Variants in STXBP5 observed in about 807,000 individuals in gnomAD.
STXBP5 encodes syntaxin-binding protein 5.
STXBP5 carries 50 observed loss-of-function variants against 152.4 expected under a neutral mutation model. The ratio of observed to expected loss-of-function variants is 0.33; its 90% CI spans 0.26 to 0.42. The LOEUF (loss-of-function observed/expected upper bound fraction) is 0.42, where lower values mean the gene tolerates loss of function less well. STXBP5 is among the 10% of genes least tolerant of loss of function. The pLI, the probability that STXBP5 is intolerant of heterozygous loss-of-function variation, is 1.00. For synonymous variants in STXBP5, 492 were observed against 494.7 expected (o/e 0.99, Z 0.07); for missense variants, 1,167 against 1,388.6 (o/e 0.84, Z 2.54).
At chr6:147,238,618 T>G (rs117083481) in intron 3 of STXBP5, among the ~76,000 whole-genome samples, 79 of 152,328 alleles carry the variant, frequency 5.2e-4, no homozygotes, top group Middle Eastern at 3.4e-3. Context: ...TAATAATATT[T>G]AGTTGTATCA....
chr6:147,369,847 A>G (rs527806193), intron 25 of STXBP5, among the ~76,000 whole-genome samples: 6 of 152,224 alleles, frequency 3.9e-5, no homozygotes, highest in African/African-American at 1.4e-4. Context: ...GTAAAAAACT[A>G]TAACCACTTT....
At chr6:147,241,910 G>A (rs1778564843) in intron 4 of STXBP5, among the ~76,000 whole-genome samples, 2 of 152,094 alleles carry the variant, frequency 1.3e-5, no homozygotes, top group Non-Finnish European at 2.9e-5. Flanking sequence ...ACAAATGACT[G>A]TTACTGTCAT....
At chr6:147,321,906 G>C (rs1782954860) in intron 16 of STXBP5, among the ~76,000 whole-genome samples, 1 of 151,868 alleles carries the variant, frequency 6.6e-6, no homozygotes, top group East Asian at 1.9e-4. Context: ...TCATTTCTTG[G>C]CTTAGGTTTC....
At chr6:147,210,573 C>T (rs991520811) in intron 2 of STXBP5, among the ~76,000 whole-genome samples, 1 of 152,090 alleles carries the variant, frequency 6.6e-6, no homozygotes, top group African/African-American at 2.4e-5. Context: ...TATTTAATAT[C>T]CCCGTCTCCC....
chr6:147,281,303 C>G (rs1780689924), intron 8 of STXBP5, among the ~76,000 whole-genome samples: 1 of 152,124 alleles, frequency 6.6e-6, no homozygotes, highest in Non-Finnish European at 1.5e-5. Flanking sequence ...GGTGATCCAC[C>G]CGCCTCAGCC....
At chr6:147,213,432 ATATGTGTGTGTGTGTGTGTGTGTGTG>A (rs1381406492) in intron 2 of STXBP5, among the ~76,000 whole-genome samples, 5 of 121,006 alleles carry the variant, frequency 4.1e-5, no homozygotes, top group African/African-American at 1.8e-4. Context: ...ATAATTTTAT[ATATGTGTGTGTGTGTGTGTGTGTGTG>A]TGTGTGTGTG....
At chr6:147,375,808 T>A (rs1451288918) in intron 26 of STXBP5, among the ~76,000 whole-genome samples, 1 of 151,844 alleles carries the variant, frequency 6.6e-6, no homozygotes, top group Non-Finnish European at 1.5e-5. Context: ...AGAGAAAAAT[T>A]ATAGATATTT....
intron 8 of STXBP5, among the ~76,000 whole-genome samples, chr6:147,281,974 G>T (rs1366359742): frequency 6.6e-6 from 1 of 152,106 alleles, no homozygotes; most frequent in Non-Finnish European, 1.5e-5. Flanking sequence ...GTCTCATACA[G>T]TTGTTGTGAG....
chr6:147,335,373 T>C (rs946882670), intron 19 of STXBP5, among the ~76,000 whole-genome samples: 4 of 152,212 alleles, frequency 2.6e-5, no homozygotes, highest in African/African-American at 9.6e-5. Context: ...AATAATGTTC[T>C]GACTTTCTCA....
chr6:147,262,220 G>T, intron 5 of STXBP5, 70 bp from the exon 6 acceptor site: 5 of 841,172 alleles, frequency 5.9e-6, no homozygotes, highest in Non-Finnish European at 7.4e-6. Flanking sequence ...TATTTTTATT[G>T]GAATGAAATA....
intron 2 of STXBP5, among the ~76,000 whole-genome samples, chr6:147,222,668 A>G (rs1016285150): frequency 3.3e-5 from 5 of 152,234 alleles, no homozygotes; most frequent in Non-Finnish European, 7.3e-5. Flanking sequence ...TTCTGAAGGC[A>G]GTCCTTGTTG....
At chr6:147,344,248 C>G (rs148297141) in intron 21 of STXBP5, among the ~76,000 whole-genome samples, 14 of 152,260 alleles carry the variant, frequency 9.2e-5, no homozygotes, top group Non-Finnish European at 2.1e-4. Flanking sequence ...ACTTATCCCT[C>G]TATTGAACTG....
intron 10 of STXBP5, 60 bp from the exon 11 acceptor site, chr6:147,311,395 A>C: frequency 7.4e-7 from 1 of 1,347,702 alleles, no homozygotes. Context: ...AGAAACATTT[A>C]TCTAATTTGC....
chr6:147,344,073 T>C (rs760646767), intron 21 of STXBP5, among the ~76,000 whole-genome samples: 1 of 152,196 alleles, frequency 6.6e-6, no homozygotes, highest in Non-Finnish European at 1.5e-5. Flanking sequence ...TGAGTCTGAG[T>C]ACTAACAAAT....
intron 9 of STXBP5, among the ~76,000 whole-genome samples, chr6:147,307,387 A>G (rs977667585): frequency 6.6e-6 from 1 of 152,206 alleles, no homozygotes; most frequent in African/African-American, 2.4e-5. Context: ...TTAAAAGAAT[A>G]TTAATATTCT....
intron 4 of STXBP5, among the ~76,000 whole-genome samples, chr6:147,258,037 T>A (rs1044406004): frequency 1.3e-5 from 2 of 152,168 alleles, no homozygotes; most frequent in Non-Finnish European, 2.9e-5. Context: ...AGTCTGGGCT[T>A]CATCACATGG....
intron 9 of STXBP5, 54 bp downstream of exon 9, chr6:147,291,226 TGGAAG>T: frequency 2.1e-6 from 3 of 1,397,846 alleles, no homozygotes; most frequent in Non-Finnish European, 3.0e-6. Flanking sequence ...TCAAATAGCA[TGGAAG>T]GCTATTTTAT....
chr6:147,334,229 TG>T lies in STXBP5; in HGVS notation c.2146+9del. On this transcript the variant is annotated splice_region_variant and intron_variant, in intron 19 of 27. Transcript: ENST00000321680. ...TGCAAATCTCCAACCTCTGGTAATT[TG>T]GTTTTTTTTTATTTCATTAATAATT... 6 of 1,610,018 alleles carry T rather than the reference TG, an allele frequency of 3.7e-6. No homozygotes were observed. The highest frequency in any genetic ancestry group is 5.1e-6 in the Non-Finnish European group (6 of 1,178,388).
intron 9 of STXBP5, among the ~76,000 whole-genome samples, chr6:147,308,009 C>T (rs1179411058): frequency 6.6e-6 from 1 of 152,104 alleles, no homozygotes; most frequent in African/African-American, 2.4e-5. Context: ...ATTAATAACA[C>T]AGTTTAAAAA....
Sources: gnomAD v4.1 joint callset for allele counts (sites outside exome capture counted in the v4.1 genomes callset) on GRCh38, gnomAD v4.1.1 for gene constraint, MANE v1.5 for transcripts, NCBI Gene and HGNC (gene_info 2026-07-23, HGNC 2026-07-21) for gene names.